Variants in MSR1 observed in about 807,000 individuals in gnomAD.
MSR1 encodes the protein macrophage scavenger receptor 1.
Under a neutral mutation model 47.2 loss-of-function variants are expected in MSR1, and 53 were observed. The observed-to-expected ratio is 1.12, with a 90% CI of 0.90 to 1.41. The LOEUF (loss-of-function observed/expected upper bound fraction) is 1.41, where lower values mean the gene tolerates loss of function less well. Ranked by LOEUF, MSR1 falls within the 40% of genes most tolerant of loss-of-function variation. MSR1 has a pLI of 0.00. For missense variants in MSR1, 786 were observed against 546.9 expected (o/e 1.44, Z -4.36); for synonymous variants, 239 against 185.6 (o/e 1.29, Z -2.34).
chr8:16,162,321 T>C (rs1254986163), intron 5 of MSR1, among the ~76,000 whole-genome samples: 1 of 151,916 alleles, frequency 6.6e-6, no homozygotes, highest in Non-Finnish European at 1.5e-5. Context: ...AAAGATCAAG[T>C]CAAAATAGAG....
chr8:16,149,781 C>T (rs1237195699), intron 7 of MSR1, among the ~76,000 whole-genome samples: 1 of 152,032 alleles, frequency 6.6e-6, no homozygotes, highest in Non-Finnish European at 1.5e-5. Context: ...ACAGTAACTT[C>T]ACAAAGTCTG....
intron 8 of MSR1, among the ~76,000 whole-genome samples, chr8:16,123,809 C>G (rs1015464629): frequency 2.6e-5 from 4 of 151,920 alleles, no homozygotes; most frequent in African/African-American, 9.7e-5. Context: ...TTCATAGAAC[C>G]CAAGGATAAG....
At chr8:16,111,491 G>C (rs904171866) in intron 9 of MSR1, among the ~76,000 whole-genome samples, 1 of 152,110 alleles carries the variant, frequency 6.6e-6, no homozygotes, top group Non-Finnish European at 1.5e-5. Flanking sequence ...TGCAGAATTT[G>C]TACAATCCAG....
At chr8:16,143,289 A>T (rs559242176) in intron 8 of MSR1, among the ~76,000 whole-genome samples, 4 of 152,264 alleles carry the variant, frequency 2.6e-5, no homozygotes, top group African/African-American at 9.6e-5. Flanking sequence ...TTGAAAATTG[A>T]ACAATTTTCT....
intron 6 of MSR1, among the ~76,000 whole-genome samples, chr8:16,154,784 C>T (rs1004871123): frequency 6.6e-6 from 1 of 151,932 alleles, no homozygotes; most frequent in African/African-American, 2.4e-5. Context: ...TCTAGACTTA[C>T]AAACAATTCC....
chr8:16,181,071 T>A (rs181098472), intron 1 of MSR1, among the ~76,000 whole-genome samples: 1 of 152,128 alleles, frequency 6.6e-6, no homozygotes. Flanking sequence ...TTATTAGATT[T>A]AAAGAGCAGT....
At chr8:16,120,965 A>G (rs889207640) in intron 8 of MSR1, 6 of 321,830 alleles carry the variant, frequency 1.9e-5, no homozygotes, top group Non-Finnish European at 3.0e-5. Context: ...TAAATGGTTC[A>G]TTATTTTCTT....
At chr8:16,160,441 T>A (rs1801130324) in intron 5 of MSR1, among the ~76,000 whole-genome samples, 1 of 152,022 alleles carries the variant, frequency 6.6e-6, no homozygotes, top group Non-Finnish European at 1.5e-5. Flanking sequence ...CACCCACTAT[T>A]TTCCAGGCAC....
chr8:16,178,077 T>C (rs1801709351), intron 1 of MSR1, 85 bp from the exon 2 acceptor site: 1 of 1,058,820 alleles, frequency 9.4e-7, no homozygotes. Flanking sequence ...GAAATTTCAG[T>C]TTGAAATGGA....
chr8:16,129,741 A>G (rs1453527611), intron 8 of MSR1, among the ~76,000 whole-genome samples: 2 of 148,520 alleles, frequency 1.3e-5, no homozygotes, highest in East Asian at 4.0e-4. Flanking sequence ...GAAAGAGACT[A>G]TCCCCTCAAC....
intron 1 of MSR1, among the ~76,000 whole-genome samples, chr8:16,191,999 T>C (rs1343267212): frequency 6.6e-6 from 1 of 152,180 alleles, no homozygotes; most frequent in African/African-American, 2.4e-5. Context: ...AGTACTTTCA[T>C]ACTACTTAAG....
At chr8:16,187,068 C>G (rs1056381856) in intron 1 of MSR1, among the ~76,000 whole-genome samples, 1 of 151,904 alleles carries the variant, frequency 6.6e-6, no homozygotes, top group African/African-American at 2.4e-5. Flanking sequence ...CTCACTCAGG[C>G]CGTCATTAAA....
At chr8:16,167,269 C>T (rs1246681037) in intron 4 of MSR1, among the ~76,000 whole-genome samples, 3 of 152,100 alleles carry the variant, frequency 2.0e-5, no homozygotes, top group African/African-American at 7.2e-5. Flanking sequence ...GTCAGCCAGG[C>T]GCAGTGGTTC....
rs189127302 is a variant in MSR1, at chr8:16,168,874, T to C, written c.218-4A>G. Reference sequence around the variant, plus strand: ...GTTTCCCACTTCAGGAGTTGAGCTGTATATTTAAGTAAAAATAAACCAGTC... The same window carrying C: ...GTTTCCCACTTCAGGAGTTGAGCTGCATATTTAAGTAAAAATAAACCAGTC... On this transcript the variant is annotated splice_polypyrimidine_tract_variant and splice_region_variant and intron_variant, in intron 3 of 9. Transcript: ENST00000262101. The C allele has an allele frequency of 9.8e-4, 1,582 of 1,611,268 alleles. No individual in the cohort carries two copies. The highest frequency in any genetic ancestry group is 1.2e-3 in the Non-Finnish European group (1,430 of 1,179,930).
In MSR1 at chr8:16,109,976, G is replaced by T; in HGVS notation, c.*109C>A. 7.8e-7 allele frequency: 1 copy of T among 1,279,224 alleles called. No individual in the cohort carries two copies. Among genetic ancestry groups the T allele is most frequent in the Non-Finnish European group, 1.1e-6 (1 of 895,738 alleles). The allele number at this position is 1,279,224 out of a possible 1,614,324, so 79.2% of individuals were successfully genotyped here. A position where few individuals can be genotyped will look rare whatever the true frequency, so the allele number is the denominator to read the frequency against. On this transcript the variant is annotated 3_prime_UTR_variant, in exon 10 of 10. Transcript: ENST00000262101. ...ATCCTGTAATCTAAAATATTATTTG[G>T]GCAATATTCTTAATCTCTTAAATAT...
rs758986009 is a variant in MSR1, at chr8:16,179,576, TC to T, written c.-4-1585del. On this transcript the variant is annotated intron_variant, in intron 1 of 9. Coordinates refer to ENST00000262101, the MANE Select transcript of MSR1 (RefSeq NM_138715.3). The stretch of plus-strand genomic sequence containing the variant: ...TTGGACTAAATAAATATTTCCTGGA[TC>T]TTTTAAGAAAATTATTTATTGGCCG... Among the ~76,000 whole-genome samples, 335 of 152,270 alleles carry T rather than the reference TC, an allele frequency of 2.2e-3. 1 individual carries two copies. Among genetic ancestry groups the T allele is most frequent in the Non-Finnish European group, 3.9e-3 (263 of 68,038 alleles).
chr8:16,180,224 C>T (rs987726663), intron 1 of MSR1, among the ~76,000 whole-genome samples: 1 of 151,908 alleles, frequency 6.6e-6, no homozygotes, highest in African/African-American at 2.4e-5. Flanking sequence ...TTTACATTGG[C>T]AGCCATATAA....
rs533140719 is a variant in MSR1 at position 16,168,605 on chromosome 8, G to A, written c.483C>T (p.Thr161=). ...CATGTCCCTGGACTGAGGAAAACAA[G>A]GTACTTAGCTGCAGAAGAATGTCAT... ...RFNDILLQLS[T]LFSSVQGHGN... Residue 161 remains threonine, a synonymous_variant, in exon 4 of 10, where the codon ACC becomes ACT. Coordinates refer to ENST00000262101, the MANE Select transcript of MSR1 (RefSeq NM_138715.3). The A allele has an allele frequency of 1.9e-6, 3 of 1,614,120 alleles. No homozygotes were observed. The highest frequency in any genetic ancestry group is 1.7e-6 in the Non-Finnish European group (2 of 1,180,006).
At chr8:16,165,904 C>T (rs34689673) in intron 4 of MSR1, among the ~76,000 whole-genome samples, 2 of 152,224 alleles carry the variant, frequency 1.3e-5, no homozygotes, top group East Asian at 3.9e-4. Flanking sequence ...ACCTCCTCCT[C>T]CCCTGACCAT....
Sources: gnomAD v4.1 joint callset for allele counts (sites outside exome capture counted in the v4.1 genomes callset) on GRCh38, gnomAD v4.1.1 for gene constraint, MANE v1.5 for transcripts, NCBI Gene and HGNC (gene_info 2026-07-23, HGNC 2026-07-21) for gene names.